Variants in CLK3 observed in about 807,000 individuals in gnomAD.
The protein encoded by CLK3 is dual specificity protein kinase CLK3.
In CLK3, 24 loss-of-function variants were observed where a neutral mutation model predicts 65.2. That is an observed-to-expected ratio of 0.37 (90% CI 0.27 to 0.52). The LOEUF (loss-of-function observed/expected upper bound fraction) is 0.52. CLK3 is among the 20% of genes least tolerant of loss of function. The pLI is 0.92. For missense variants in CLK3, 506 were observed against 660.0 expected (o/e 0.77, Z 2.56); for synonymous variants, 252 against 240.8 (o/e 1.05, Z -0.43).
chr15:74,619,017 T>TTGTC, intron 1 of CLK3, 180 bp from the exon 2 acceptor site: 4 of 662,120 alleles, frequency 6.0e-6, no homozygotes. Context: ...TTGTTTCCTA[T>TTGTC]TGTCTGCTGT....
In CLK3 at chr15:74,628,599, C is replaced by G. The variant is rs771204237; in HGVS notation, c.1126-5C>G. 6.8e-6 allele frequency: 11 copies of G among 1,611,916 alleles called. No homozygotes were observed. Among genetic ancestry groups the G allele is most frequent in the Non-Finnish European group, 9.3e-6 (11 of 1,178,654 alleles). ...CCCCCTTGCACTGTCCCTAATCTTC[C>G]ACAGACCCACGAAAACCGAGAGCAC... On this transcript the variant is annotated splice_polypyrimidine_tract_variant and splice_region_variant and intron_variant, in intron 10 of 12. Coordinates refer to ENST00000395066, the MANE Select transcript of CLK3 (RefSeq NM_001130028.2).
chr15:74,627,381 G>A lies in CLK3; in HGVS notation c.847G>A (p.Asp283Asn), dbSNP rs1477717946. ...FLHENQLTHTDLKPENILFVN... is the reference protein window; with the variant it reads ...FLHENQLTHTNLKPENILFVN... ...GCATGAGAATCAGCTGACCCATACA[G>A]ACTTGAAACCAGAGAACATCCTGTT... The change falls in exon 8 of 13, where the codon GAC (aspartate) becomes AAC (asparagine). Residue 283 changes from aspartate to asparagine, a missense_variant. By Grantham distance (23) the Asp-to-Asn change is conservative. This residue lies in a region of CLK3 where 325 missense variants were observed against 500.5 expected (regional missense o/e 0.65). Transcript: ENST00000395066. This position sits in a 1 kb window ranked among gnomAD's most constrained non-coding sequence, Gnocchi z 4.3. 6.2e-7 allele frequency: 1 copy of A among 1,614,146 alleles called. No homozygotes were observed. The highest frequency in any genetic ancestry group is 1.3e-5 in the African/African-American group (1 of 75,052).
At chr15:74,625,200 CTG>C (rs1182444829) in intron 6 of CLK3, among the ~76,000 whole-genome samples, 182 bp downstream of exon 6, 1 of 152,310 alleles carries the variant, frequency 6.6e-6, no homozygotes, top group East Asian at 1.9e-4. Context: ...CCAGCTGTCT[CTG>C]TGTCCTGAGG....
chr15:74,617,607 G>A (rs116796862), intron 1 of CLK3, among the ~76,000 whole-genome samples: 312 of 152,364 alleles, frequency 2.0e-3, no homozygotes, highest in African/African-American at 7.4e-3. Context: ...CCATTGATGT[G>A]AATATGTATG....
At chr15:74,620,352 G>A in intron 3 of CLK3, 127 bp downstream of exon 3, 1 of 1,265,104 alleles carries the variant, frequency 7.9e-7, no homozygotes, top group Non-Finnish European at 1.1e-6. Context: ...GCGTGCATGT[G>A]TGTGTGTATG....
intron 1 of CLK3, among the ~76,000 whole-genome samples, chr15:74,610,356 C>T (rs2061972758): frequency 6.6e-6 from 1 of 152,244 alleles, no homozygotes; most frequent in Admixed American, 6.5e-5. Context: ...CCTGGGATCC[C>T]TGCATCTGGT....
Position 74,629,828 on chromosome 15 carries a change from C to T in CLK3, c.1418C>T (p.Ala473Val). The change falls in exon 13 of 13, where the codon GCT becomes GTT. Residue 473 changes from alanine to valine, a missense_variant. By Grantham distance (64) the Ala-to-Val change is moderately conservative. This residue lies in a region of CLK3 where 325 missense variants were observed against 500.5 expected (regional missense o/e 0.65). Coordinates refer to ENST00000395066, the MANE Select transcript of CLK3 (RefSeq NM_001130028.2). ...GAGGCCCTGCTGCACCCCTTCTTTG[C>T]TGGCCTGACCCCTGAGGAGCGGTCC... ...LAEALLHPFFAGLTPEERSFH... is the reference protein window; with the variant it reads ...LAEALLHPFFVGLTPEERSFH... The T allele has an allele frequency of 1.2e-6, 2 of 1,612,186 alleles. No individual in the cohort carries two copies. Among genetic ancestry groups the T allele is most frequent in the East Asian group, 2.2e-5 (1 of 44,752 alleles).
upstream of CLK3, chr15:74,615,668 G>A (rs1197002536): frequency 2.4e-6 from 3 of 1,245,896 alleles, no homozygotes; most frequent in African/African-American, 1.6e-5. Flanking sequence ...CGGCCCTCCC[G>A]GAACTAGTCT....
upstream of CLK3, chr15:74,614,695 C>A (rs957773617): frequency 1.4e-4 from 22 of 152,240 alleles, no homozygotes; most frequent in African/African-American, 5.3e-4. Flanking sequence ...CACCTCCCCG[C>A]TTCAGGGGCG....
Position 74,624,534 on chromosome 15 carries a change from C to G in CLK3, c.534-368C>G. The G allele has an allele frequency of 1.0e-5, 2 of 192,874 alleles. No individual in the cohort carries two copies. Among genetic ancestry groups the G allele is most frequent in the South Asian group, 1.8e-4 (1 of 5,484 alleles). 11.9% of individuals were successfully genotyped at this position (192,874 alleles called of 1,614,324 possible). On this transcript the variant is annotated intron_variant, in intron 5 of 12. Coordinates refer to ENST00000395066, the MANE Select transcript of CLK3 (RefSeq NM_001130028.2). The surrounding 1 kb of genome is among the most constrained non-coding windows in gnomAD (Gnocchi z 4.2). ...CGCAGGAGGGTTCTCGGTGGGACAG[C>G]CTGGCCAGGGTTGGGGCTGCCTGGC...
At chr15:74,625,099 A>C (rs756660844) in intron 6 of CLK3, 81 bp downstream of exon 6, 111 of 996,478 alleles carry the variant, frequency 1.1e-4, no homozygotes, top group Non-Finnish European at 1.6e-4. Context: ...GCCTTCACCC[A>C]TCCGCACTGT....
rs758173718 is a variant in CLK3 at position 74,619,342 on chromosome 15, C to T, written c.146C>T (p.Ser49Phe). The T allele has an allele frequency of 2.6e-5, 42 of 1,613,910 alleles. No homozygotes were observed. The highest frequency in any genetic ancestry group is 3.6e-5 in the Non-Finnish European group (42 of 1,179,966). ...RREPPPRRSR[S>F]RSHDRLPYQR... ...GAGCCTCCCCCACGAAGATCTCGGT[C>T]CAGAAGGTGAGAGGGAACTAGATAG... The change falls in exon 2 of 13, where the codon TCC becomes TTC. Residue 49 changes from serine to phenylalanine, a missense_variant. Physicochemically the swap from Ser to Phe is radical, Grantham distance 155. Transcript: ENST00000395066.
At chr15:74,615,475 C>T (rs2062045639), upstream of CLK3, 4 of 1,316,296 alleles carry the variant, frequency 3.0e-6, no homozygotes, top group South Asian at 2.1e-5. Context: ...TCTCCGCGCG[C>T]AGGAGGGAGT....
At chr15:74,625,332 C>T (rs2062135452) in intron 6 of CLK3, among the ~76,000 whole-genome samples, 1 of 152,192 alleles carries the variant, frequency 6.6e-6, no homozygotes, top group Admixed American at 6.5e-5. Flanking sequence ...AAAGGAGGGC[C>T]TTTCTGTGGC....
chr15:74,627,513 C>T lies in CLK3; in HGVS notation c.913-26C>T. ...GTTACCCGCTGGTGCAGACTCCTGA[C>T]CTGGCAGGCCTGCCTTGCCTTTCAG... On this transcript the variant is annotated intron_variant, in intron 8 of 12. Transcript: ENST00000395066. This position sits in a 1 kb window ranked among gnomAD's most constrained non-coding sequence, Gnocchi z 4.3. The T allele has an allele frequency of 6.2e-7, 1 of 1,614,232 alleles. No homozygotes were observed. Among genetic ancestry groups the T allele is most frequent in the East Asian group, 2.2e-5 (1 of 44,888 alleles).
intron 1 of CLK3, among the ~76,000 whole-genome samples, chr15:74,616,987 C>T (rs910604249): frequency 6.6e-6 from 1 of 152,144 alleles, no homozygotes; most frequent in Non-Finnish European, 1.5e-5. Context: ...CTGAGGTTTT[C>T]GAGAATCAGA....
At chr15:74,609,380 T>C (rs532863679) in intron 1 of CLK3, among the ~76,000 whole-genome samples, 2 of 152,350 alleles carry the variant, frequency 1.3e-5, no homozygotes, top group South Asian at 4.1e-4. Context: ...GATGGTGCTC[T>C]CTGGAGTGTC....
rs775424176 is a variant in CLK3 at position 74,615,848 on chromosome 15, G to A, written c.-51G>A. ...GGAGGTCGCAGCCGGAAGCGGAAGA[G>A]GCGCTCGGAGCGGGGAGTGGGGCCT... On this transcript the variant is annotated 5_prime_UTR_variant, in exon 1 of 13. Coordinates refer to ENST00000395066, the MANE Select transcript of CLK3 (RefSeq NM_001130028.2). 4.0e-6 allele frequency: 5 copies of A among 1,253,702 alleles called. No homozygotes were observed. The East Asian group carries it at 1.2e-4, about 31-fold the overall frequency. The allele number at this position is 1,253,702 out of a possible 1,614,324, so 77.7% of individuals were successfully genotyped here. A position where few individuals can be genotyped will look rare whatever the true frequency, so the allele number is the denominator to read the frequency against.
At chr15:74,628,779 G>C in intron 11 of CLK3, 96 bp downstream of exon 11, 1 of 1,144,924 alleles carries the variant, frequency 8.7e-7, no homozygotes, top group Non-Finnish European at 1.3e-6. Flanking sequence ...GTCTTTGCTG[G>C]ACAGTCCATG....
Sources: gnomAD v4.1 joint callset for allele counts (sites outside exome capture counted in the v4.1 genomes callset) on GRCh38, gnomAD v4.1.1 for gene constraint, gnomAD v4.1.1 regional missense constraint, Gnocchi (gnomAD v3.1) non-coding constraint, MANE v1.5 for transcripts, NCBI Gene and HGNC (gene_info 2026-07-23, HGNC 2026-07-21) for gene names.